Variants in PPARD observed in about 807,000 individuals in gnomAD.
PPARD encodes the protein peroxisome proliferator-activated receptor delta.
Under a neutral mutation model 39.5 loss-of-function variants are expected in PPARD, and 6 were observed. The ratio of observed to expected loss-of-function variants is 0.15; its 90% CI spans 0.08 to 0.30. PPARD has a LOEUF of 0.30. PPARD is among the 10% of genes least tolerant of loss of function. The pLI, the probability that PPARD is intolerant of heterozygous loss-of-function variation, is 1.00. For missense variants in PPARD, 397 were observed against 596.8 expected (o/e 0.67, Z 3.49); for synonymous variants, 210 against 231.3 (o/e 0.91, Z 0.83).
chr6:35,346,090 G>A (rs924400329), intron 1 of PPARD, among the ~76,000 whole-genome samples: 12 of 151,760 alleles, frequency 7.9e-5, no homozygotes, highest in African/African-American at 2.7e-4. Flanking sequence ...CGTGTTAGTC[G>A]AGATGGTCTC....
At chr6:35,388,353 G>A (rs1562197933) in intron 2 of PPARD, among the ~76,000 whole-genome samples, 1 of 152,154 alleles carries the variant, frequency 6.6e-6, no homozygotes, top group South Asian at 2.1e-4. Context: ...TGGGCAGCAC[G>A]TGCCGCGGGG....
intron 2 of PPARD, among the ~76,000 whole-genome samples, chr6:35,398,159 G>A (rs1481285762): frequency 6.6e-6 from 1 of 152,166 alleles, no homozygotes; most frequent in Non-Finnish European, 1.5e-5. Context: ...TCACAGGAGG[G>A]ACAGAATCTG....
chr6:35,418,352 G>A lies in PPARD; in HGVS notation c.131-1775G>A, dbSNP rs188154491. Among the ~76,000 whole-genome samples, 7 of 152,132 alleles carry A rather than the reference G, an allele frequency of 4.6e-5. No homozygotes were observed. The East Asian group carries it at 1.2e-3, about 25-fold the overall frequency. Reference sequence around the variant, plus strand: ...TTGTCCCTGTTATAAATGCCTCCAGGAGTGGCAGGTCCTGCCCAGCCCCAT... The same window carrying A: ...TTGTCCCTGTTATAAATGCCTCCAGAAGTGGCAGGTCCTGCCCAGCCCCAT... On this transcript the variant is annotated intron_variant, in intron 3 of 7. Coordinates refer to ENST00000360694, the MANE Select transcript of PPARD (RefSeq NM_006238.5).
chr6:35,424,298 G>C lies in PPARD; in HGVS notation c.628-31G>C, dbSNP rs1174480569. 6.2e-7 allele frequency: 1 copy of C among 1,606,006 alleles called. No homozygotes were observed. The highest frequency in any genetic ancestry group is 1.7e-5 in the Admixed American group (1 of 59,850). On this transcript the variant is annotated intron_variant, in intron 6 of 7. Coordinates refer to ENST00000360694, the MANE Select transcript of PPARD (RefSeq NM_006238.5). This position sits in a 1 kb window ranked among gnomAD's most constrained non-coding sequence, Gnocchi z 7.1. The stretch of plus-strand genomic sequence containing the variant: ...GGAGCACAGGGTGGGGGTCTCCCGA[G>C]GCCTGATCTCTAACGGGGCCTGGTT...
At chr6:35,365,061 G>A (rs183614274) in intron 2 of PPARD, among the ~76,000 whole-genome samples, 1 of 151,432 alleles carries the variant, frequency 6.6e-6, no homozygotes, top group East Asian at 2.0e-4. Flanking sequence ...ATACTCACTG[G>A]TCTGCACCTT....
At chr6:35,372,411 TCA>T (rs1762532573) in intron 2 of PPARD, among the ~76,000 whole-genome samples, 1 of 152,226 alleles carries the variant, frequency 6.6e-6, no homozygotes, top group African/African-American at 2.4e-5. Flanking sequence ...ACTCCTGACC[TCA>T]GGTGATCTGC....
intron 2 of PPARD, among the ~76,000 whole-genome samples, chr6:35,383,714 G>C (rs963195928): frequency 7.0e-6 from 1 of 142,590 alleles, no homozygotes; most frequent in Non-Finnish European, 1.5e-5. Context: ...ACCTCTGCCC[G>C]GCCACGACCC....
chr6:35,367,248 G>A (rs907229397), intron 2 of PPARD, among the ~76,000 whole-genome samples: 26 of 152,176 alleles, frequency 1.7e-4, no homozygotes, highest in African/African-American at 6.0e-4. Flanking sequence ...TGTTGGCAGG[G>A]TCCTTCCCAA....
chr6:35,416,680 A>C (rs1313013542), intron 3 of PPARD, among the ~76,000 whole-genome samples: 1 of 152,160 alleles, frequency 6.6e-6, no homozygotes, highest in East Asian at 1.9e-4. Context: ...ATGCGGGGGA[A>C]GTGGTGGAAC....
chr6:35,426,318 C>T lies in PPARD; in HGVS notation c.*239C>T. The T allele has an allele frequency of 1.7e-6, 1 of 581,178 alleles. No homozygotes were observed. 36.0% of individuals were successfully genotyped at this position (581,178 alleles called of 1,614,324 possible). On this transcript the variant is annotated 3_prime_UTR_variant, in exon 8 of 8. Coordinates refer to ENST00000360694, the MANE Select transcript of PPARD (RefSeq NM_006238.5). ...CTCTTTCTCAGTTCCTCTTTCTTTT[C>T]TAATTCCTGTTGCTCTGTTTCTTCC...
intron 2 of PPARD, among the ~76,000 whole-genome samples, chr6:35,400,972 C>T (rs1052528432): frequency 6.6e-6 from 1 of 152,032 alleles, no homozygotes; most frequent in Non-Finnish European, 1.5e-5. Flanking sequence ...CTGTTAGTAT[C>T]GATTGGCCTC....
At chr6:35,407,415 C>T (rs1262183142) in intron 2 of PPARD, among the ~76,000 whole-genome samples, 2 of 152,016 alleles carry the variant, frequency 1.3e-5, no homozygotes, top group Non-Finnish European at 1.5e-5. Context: ...CCGTGCTGCT[C>T]CTTCTCTTGG....
At chr6:35,374,407 C>T (rs1011662947) in intron 2 of PPARD, among the ~76,000 whole-genome samples, 8 of 151,878 alleles carry the variant, frequency 5.3e-5, no homozygotes, top group Non-Finnish European at 1.0e-4. Context: ...CCTGTAATCC[C>T]AGCACTTTGG....
intron 2 of PPARD, among the ~76,000 whole-genome samples, chr6:35,358,967 G>C (rs1423726669): frequency 1.3e-5 from 2 of 152,208 alleles, no homozygotes; most frequent in African/African-American, 4.8e-5. Context: ...ATGCTCTCTA[G>C]AAAACTAAGC....
At chr6:35,383,000 C>A (rs2150595517) in intron 2 of PPARD, among the ~76,000 whole-genome samples, 1 of 152,314 alleles carries the variant, frequency 6.6e-6, no homozygotes, top group South Asian at 2.1e-4. Flanking sequence ...GTGTGGAAAG[C>A]CTTGGATGCC....
intron 2 of PPARD, among the ~76,000 whole-genome samples, chr6:35,369,065 T>C (rs547157747): frequency 1.3e-5 from 2 of 152,308 alleles, no homozygotes; most frequent in Non-Finnish European, 2.9e-5. Context: ...AAAGTAGATT[T>C]TAAAACCCTG....
At chr6:35,375,209 GTTTTTTT>G (rs558275286) in intron 2 of PPARD, among the ~76,000 whole-genome samples, 3 of 59,206 alleles carry the variant, frequency 5.1e-5, no homozygotes, top group African/African-American at 2.1e-4. Flanking sequence ...CTCCTTCCGA[GTTTTTTT>G]TTTTTTTTTT....
At chr6:35,349,059 T>G (rs1165374132) in intron 2 of PPARD, 1 of 969,674 alleles carries the variant, frequency 1.0e-6, no homozygotes, top group Non-Finnish European at 1.2e-6. Flanking sequence ...GGAGTCTCGC[T>G]CTGTCACCCA....
chr6:35,389,653 A>G (rs1412198095), intron 2 of PPARD, among the ~76,000 whole-genome samples: 1 of 152,174 alleles, frequency 6.6e-6, no homozygotes, highest in African/African-American at 2.4e-5. Context: ...GTAGGAATTC[A>G]TGGGGCTTAT....
Sources: gnomAD v4.1 joint callset for allele counts (sites outside exome capture counted in the v4.1 genomes callset) on GRCh38, gnomAD v4.1.1 for gene constraint, Gnocchi (gnomAD v3.1) non-coding constraint, MANE v1.5 for transcripts, NCBI Gene and HGNC (gene_info 2026-07-23, HGNC 2026-07-21) for gene names.